The following CEP192 variants were observed in gnomAD, a reference collection of about 807,000 sequenced individuals.
CEP192 encodes centrosomal protein of 192 kDa.
CEP192 carries 151 observed loss-of-function variants against 271.8 expected under a neutral mutation model. The observed-to-expected ratio is 0.56, with a 90% CI of 0.49 to 0.64. The LOEUF (loss-of-function observed/expected upper bound fraction) is 0.64, where lower values mean the gene tolerates loss of function less well. Among genes scored for constraint, CEP192 ranks in the 30% least tolerant of loss-of-function variants. The pLI, the probability that CEP192 is intolerant of heterozygous loss-of-function variation, is 0.00. For missense variants in CEP192, 2,910 were observed against 3,020.5 expected, an observed-to-expected ratio of 0.96 and a Z score of 0.86; for synonymous variants, 995 against 1,076.5, an observed-to-expected ratio of 0.92 and a Z score of 1.48.
Position 13,121,663 on chromosome 18 carries a change from G to T in CEP192, c.7476-2969G>T, listed in dbSNP as rs144892368. Among the ~76,000 whole-genome samples, 341 of 152,242 alleles carry T rather than the reference G, an allele frequency of 2.2e-3. 1 individual carries two copies. Among genetic ancestry groups the T allele is most frequent in the Non-Finnish European group, 1.1e-3 (72 of 68,020 alleles). On this transcript the variant is annotated intron_variant, in intron 44 of 44. Coordinates refer to ENST00000506447, the MANE Select transcript of CEP192 (RefSeq NM_032142.4). ...TTAAAAGAATTTATGTTTCTACTTAGTCCCCAAAAGCATCTTTCTCTTAAC... is the reference window on the plus strand; with the variant it reads ...TTAAAAGAATTTATGTTTCTACTTATTCCCCAAAAGCATCTTTCTCTTAAC...
intron 33 of CEP192, among the ~76,000 whole-genome samples, chr18:13,090,437 T>G (rs761678109): frequency 2.6e-5 from 4 of 152,198 alleles, no homozygotes; most frequent in Non-Finnish European, 5.9e-5. Context: ...AAATAATAAG[T>G]GGCTAGTTTT....
chr18:13,109,243 G>A (rs1245688478), intron 40 of CEP192, among the ~76,000 whole-genome samples: 1 of 152,172 alleles, frequency 6.6e-6, no homozygotes, highest in Non-Finnish European at 1.5e-5. Context: ...GACCTTTGTA[G>A]CAACATGGAT....
chr18:13,000,460 G>C (rs2033570481), intron 2 of CEP192: 1 of 152,150 alleles, frequency 6.6e-6, no homozygotes, highest in African/African-American at 2.4e-5. Flanking sequence ...TGTGACTAGA[G>C]TTTTGGGTCA....
chr18:13,008,088 G>A (rs2034093221), intron 3 of CEP192, among the ~76,000 whole-genome samples: 1 of 152,234 alleles, frequency 6.6e-6, no homozygotes, highest in South Asian at 2.1e-4. Flanking sequence ...CAGAGATTTG[G>A]CTATTTTGGC....
Position 13,017,277 on chromosome 18 carries a change from C to T in CEP192, c.730C>T (p.Leu244=). Residue 244 remains leucine (L), a synonymous_variant, in exon 7 of 45, where the codon CTA becomes TTA. Coordinates refer to ENST00000506447, the MANE Select transcript of CEP192 (RefSeq NM_032142.4). ...AATTCCAGGAATGATATATGAAGAC[C>T]TAGAAGGACCAGAACCTCCAGAAAA... The part of the protein sequence containing the change: ...LAIPGMIYED[L]EGPEPPEKGF... 6 of 1,550,294 alleles carry T rather than the reference C, an allele frequency of 3.9e-6. No individual in the cohort carries two copies. The highest frequency in any genetic ancestry group is 5.2e-6 in the Non-Finnish European group (6 of 1,146,242).
Position 13,116,482 on chromosome 18 carries a change from T to G in CEP192, c.7395T>G (p.Asn2465Lys). ...ESRTLKVNLR[N>K]NSFITHSLKF... ...GGACACTTAAAGTCAATCTGCGAAA[T>G]AATTCTTTTATTACACACTCAGTAA... is the stretch of plus-strand genomic sequence containing the variant. The change falls in exon 43 of 45, where the codon AAT (asparagine) becomes AAG (lysine). Residue 2465 changes from asparagine (N) to lysine (K), a missense_variant. Asn to Lys is a moderately conservative substitution (Grantham distance 94). Coordinates refer to ENST00000506447, the MANE Select transcript of CEP192 (RefSeq NM_032142.4). The G allele has an allele frequency of 6.2e-7, 1 of 1,608,258 alleles. No individual in the cohort carries two copies. Among genetic ancestry groups the G allele is most frequent in the East Asian group, 2.2e-5 (1 of 44,658 alleles).
At chr18:13,003,451 G>GAA (rs545191456) in intron 3 of CEP192, among the ~76,000 whole-genome samples, 116 of 101,444 alleles carry the variant, frequency 1.1e-3, no homozygotes, top group Non-Finnish European at 1.5e-3. Context: ...TCTGTCTCAA[G>GAA]AAAAAAAAAA....
intron 35 of CEP192, 146 bp downstream of exon 35, chr18:13,095,827 C>T: frequency 1.4e-6 from 1 of 723,632 alleles, no homozygotes; most frequent in Non-Finnish European, 2.2e-6. Context: ...CTGTTGGAGA[C>T]CCCACTCAGA....
chr18:13,041,651 C>T (rs754014437), intron 14 of CEP192, among the ~76,000 whole-genome samples: 3 of 151,444 alleles, frequency 2.0e-5, no homozygotes, highest in East Asian at 1.9e-4. Context: ...CTGCAATCTC[C>T]ACCTCCTGGG....
At chr18:13,090,614 C>A (rs2039095413) in intron 33 of CEP192, among the ~76,000 whole-genome samples, 2 of 152,104 alleles carry the variant, frequency 1.3e-5, no homozygotes, top group Non-Finnish European at 2.9e-5. Flanking sequence ...GGGTCTAGAT[C>A]ATCTGCTCAA....
chr18:12,994,035 C>A (rs1462312719), intron 1 of CEP192, among the ~76,000 whole-genome samples: 1 of 152,180 alleles, frequency 6.6e-6, no homozygotes, highest in Non-Finnish European at 1.5e-5. Flanking sequence ...TACCCACTGA[C>A]TGAGAATGTT....
chr18:13,043,855 CTT>C (rs1444440807), intron 15 of CEP192, among the ~76,000 whole-genome samples: 1 of 151,918 alleles, frequency 6.6e-6, no homozygotes, highest in African/African-American at 2.4e-5. Context: ...GTTGTTGAAA[CTT>C]TTATTTTTAA....
intron 4 of CEP192, among the ~76,000 whole-genome samples, chr18:13,012,649 T>G (rs2034430918): frequency 6.6e-6 from 1 of 152,178 alleles, no homozygotes; most frequent in South Asian, 2.1e-4. Flanking sequence ...CACTGTAGTT[T>G]GTCCCACTAT....
chr18:13,003,485 CA>C (rs1359214881), intron 3 of CEP192, among the ~76,000 whole-genome samples: 6 of 148,898 alleles, frequency 4.0e-5, no homozygotes, highest in Non-Finnish European at 8.9e-5. Flanking sequence ...AGATATGAGC[CA>C]AGACTTGAGG....
chr18:13,030,381 T>C (rs1045632453), intron 10 of CEP192, 84 bp from the exon 11 acceptor site: 15 of 1,244,506 alleles, frequency 1.2e-5, no homozygotes, highest in Non-Finnish European at 1.6e-5. Flanking sequence ...AAGGTAGTCA[T>C]CTGAATTTAA....
chr18:13,015,555 C>A, intron 6 of CEP192, 107 bp downstream of exon 6: 1 of 1,010,570 alleles, frequency 9.9e-7, no homozygotes, highest in Admixed American at 2.7e-5. Context: ...TTTGTCCTTA[C>A]CTTTTCTTCC....
chr18:13,035,596 A>G (rs2035874805), intron 11 of CEP192, among the ~76,000 whole-genome samples: 1 of 152,094 alleles, frequency 6.6e-6, no homozygotes, highest in Non-Finnish European at 1.5e-5. Flanking sequence ...TCAAGTTGAG[A>G]TTTGGGTGGA....
chr18:13,118,924 C>T (rs549750957), intron 44 of CEP192, among the ~76,000 whole-genome samples: 1 of 152,278 alleles, frequency 6.6e-6, no homozygotes, highest in African/African-American at 2.4e-5. Context: ...CATTTAATCC[C>T]TATGACAACT....
At chr18:13,016,899 C>T (rs968762699) in intron 6 of CEP192, among the ~76,000 whole-genome samples, 3 of 152,226 alleles carry the variant, frequency 2.0e-5, no homozygotes, top group East Asian at 1.9e-4. Flanking sequence ...AGTCTGCTTT[C>T]TTCTCATTGA....
Sources: gnomAD v4.1 joint callset for allele counts (sites outside exome capture counted in the v4.1 genomes callset) on GRCh38, gnomAD v4.1.1 for gene constraint, MANE v1.5 for transcripts, NCBI Gene and HGNC (gene_info 2026-07-23, HGNC 2026-07-21) for gene names.